Variants in PLAAT3 observed in about 807,000 individuals in gnomAD.
The protein encoded by PLAAT3 is Ca-independent phospholipase A1/2.
In PLAAT3, 21 loss-of-function variants were observed where a neutral mutation model predicts 16.7. That is an observed-to-expected ratio of 1.26 (90% CI 0.89 to 1.81). PLAAT3 has a LOEUF of 1.81. Among genes scored for constraint, PLAAT3 ranks in the 40% most tolerant of loss-of-function variants. The pLI, the probability that PLAAT3 is intolerant of heterozygous loss-of-function variation, is 0.00. For missense variants in PLAAT3, 219 were observed against 213.7 expected (o/e 1.02, Z -0.16); for synonymous variants, 76 against 81.7 (o/e 0.93, Z 0.38).
chr11:63,589,357 C>A (rs1295124633), intron 4 of PLAAT3, among the ~76,000 whole-genome samples: 1 of 135,484 alleles, frequency 7.4e-6, no homozygotes, highest in Non-Finnish European at 1.5e-5. Flanking sequence ...AATATGTATT[C>A]TTTTGCATCA....
intron 4 of PLAAT3, among the ~76,000 whole-genome samples, chr11:63,576,859 T>C (rs2017669463): frequency 6.6e-6 from 1 of 152,184 alleles, no homozygotes; most frequent in Non-Finnish European, 1.5e-5. Context: ...ACCAAAGTGA[T>C]AAAATAAGAA....
chr11:63,602,426 A>G (rs1443663667), intron 2 of PLAAT3, among the ~76,000 whole-genome samples: 1 of 152,128 alleles, frequency 6.6e-6, no homozygotes, highest in Non-Finnish European at 1.5e-5. Flanking sequence ...CTAGAAAAAC[A>G]AGTACTTATC....
intron 2 of PLAAT3, among the ~76,000 whole-genome samples, chr11:63,601,994 A>AAC (rs1555045722): frequency 3.3e-5 from 5 of 149,500 alleles, no homozygotes; most frequent in East Asian, 2.0e-4. Context: ...AAAAAAAAAA[A>AAC]AAACAAAAGG....
intron 2 of PLAAT3, among the ~76,000 whole-genome samples, chr11:63,605,167 G>A (rs1938524533): frequency 6.6e-6 from 1 of 152,054 alleles, no homozygotes; most frequent in Non-Finnish European, 1.5e-5. Context: ...AGCCAAGGTG[G>A]GTGGATCACC....
intron 2 of PLAAT3, among the ~76,000 whole-genome samples, chr11:63,599,040 C>T (rs760072430): frequency 6.6e-6 from 1 of 152,156 alleles, no homozygotes; most frequent in African/African-American, 2.4e-5. Context: ...ACATTATCCA[C>T]GTCCATTCAG....
At position 63,590,294 on chromosome 11, in the gene PLAAT3, G is replaced by A; in HGVS notation, c.193C>T (p.Leu65=). The A allele has an allele frequency of 6.2e-7, 1 of 1,614,108 alleles. No homozygotes were observed. The highest frequency in any genetic ancestry group is 8.5e-7 in the Non-Finnish European group (1 of 1,179,928). The change falls in exon 4 of 5, where the codon CTG becomes TTG. Residue 65 remains leucine, a synonymous_variant. Transcript: ENST00000415826. ...TDKAIVKKEL[L]YDVAGSDKYQ... is the part of the protein sequence containing the mutation. ...TTGTCACTCCCGGCCACATCATACA[G>A]CAATTCCTTCTTCACGATGGCCTTG...
At chr11:63,613,767 C>T (rs1358611791) in intron 2 of PLAAT3, among the ~76,000 whole-genome samples, 1 of 152,224 alleles carries the variant, frequency 6.6e-6, no homozygotes, top group African/African-American at 2.4e-5. Flanking sequence ...TTCCGCTGGG[C>T]GCGTTTCAGG....
intron 4 of PLAAT3, among the ~76,000 whole-genome samples, chr11:63,575,440 C>A (rs376889850): frequency 3.9e-5 from 6 of 152,168 alleles, no homozygotes; most frequent in African/African-American, 1.4e-4. Flanking sequence ...TAGTCAGTAA[C>A]CTGTGACCTC....
chr11:63,606,750 G>T (rs905823448), intron 2 of PLAAT3, among the ~76,000 whole-genome samples: 1 of 152,212 alleles, frequency 6.6e-6, no homozygotes, highest in Middle Eastern at 3.2e-3. Flanking sequence ...GGAGGCCAAC[G>T]AGGCCGGAGT....
At chr11:63,603,828 G>C (rs1938494150) in intron 2 of PLAAT3, among the ~76,000 whole-genome samples, 1 of 151,952 alleles carries the variant, frequency 6.6e-6, no homozygotes, top group South Asian at 2.1e-4. Context: ...AAAGCAAGTT[G>C]AAAGACATTA....
At chr11:63,583,270 T>C (rs1054458380) in intron 4 of PLAAT3, among the ~76,000 whole-genome samples, 1 of 152,204 alleles carries the variant, frequency 6.6e-6, no homozygotes, top group Non-Finnish European at 1.5e-5. Flanking sequence ...GCAGCCATGG[T>C]TCTGTTGGGT....
intron 2 of PLAAT3, among the ~76,000 whole-genome samples, chr11:63,608,121 G>A (rs774422127): frequency 2.0e-5 from 3 of 152,278 alleles, no homozygotes; most frequent in Non-Finnish European, 4.4e-5. Flanking sequence ...GGCAGAGGTC[G>A]CAGTGAGCCG....
chr11:63,577,734 G>A (rs1296494305), intron 4 of PLAAT3, among the ~76,000 whole-genome samples: 4 of 151,964 alleles, frequency 2.6e-5, no homozygotes, highest in East Asian at 1.9e-4. Context: ...ATCGCTTCTC[G>A]GCCTCTTGGC....
chr11:63,600,373 A>G (rs1938393751), intron 2 of PLAAT3, among the ~76,000 whole-genome samples: 1 of 152,202 alleles, frequency 6.6e-6, no homozygotes, highest in Admixed American at 6.5e-5. Context: ...GTATTCCGTT[A>G]TCTAAAAAGG....
At chr11:63,603,584 G>A (rs991887546) in intron 2 of PLAAT3, among the ~76,000 whole-genome samples, 2 of 151,190 alleles carry the variant, frequency 1.3e-5, no homozygotes, top group Non-Finnish European at 2.9e-5. Context: ...TTACCTTTGT[G>A]ACAAACCTGC....
chr11:63,609,827 C>T (rs1406090475), intron 2 of PLAAT3, among the ~76,000 whole-genome samples: 1 of 152,184 alleles, frequency 6.6e-6, no homozygotes, highest in Non-Finnish European at 1.5e-5. Flanking sequence ...AAGCAAAACT[C>T]ATCCACCCTC....
chr11:63,613,725 G>GCT (rs1938752184), intron 2 of PLAAT3, among the ~76,000 whole-genome samples: 3 of 152,080 alleles, frequency 2.0e-5, no homozygotes, highest in Admixed American at 6.5e-5. Flanking sequence ...GGACAGACCT[G>GCT]CCCTGGCCAC....
chr11:63,590,685 C>T (rs946794746), intron 3 of PLAAT3, among the ~76,000 whole-genome samples: 6 of 152,216 alleles, frequency 3.9e-5, no homozygotes, highest in African/African-American at 1.4e-4. Flanking sequence ...CAAGAGCATA[C>T]TCATCCACCT....
At chr11:63,606,453 CA>C (rs1938565394) in intron 2 of PLAAT3, among the ~76,000 whole-genome samples, 2 of 152,024 alleles carry the variant, frequency 1.3e-5, no homozygotes, top group African/African-American at 4.8e-5. Context: ...CACACACACA[CA>C]CACACACACC....
Sources: gnomAD v4.1 joint callset for allele counts (sites outside exome capture counted in the v4.1 genomes callset) on GRCh38, gnomAD v4.1.1 for gene constraint, MANE v1.5 for transcripts, NCBI Gene and HGNC (gene_info 2026-07-23, HGNC 2026-07-21) for gene names.